The following CDKL4 variants were observed in gnomAD, a reference collection of about 807,000 sequenced individuals.
The protein encoded by CDKL4 is cyclin dependent kinase like 4.
CDKL4 carries 44 observed loss-of-function variants against 42.0 expected under a neutral mutation model. The observed-to-expected ratio is 1.05, with a 90% CI of 0.82 to 1.35. The LOEUF is 1.35. Ranked by LOEUF, CDKL4 falls within the 40% of genes most tolerant of loss-of-function variation. The pLI, the probability that CDKL4 is intolerant of heterozygous loss-of-function variation, is 0.00. For synonymous variants in CDKL4, 120 were observed against 121.6 expected (o/e 0.99, Z 0.09); for missense variants, 393 against 369.9 (o/e 1.06, Z -0.51).
At chr2:39,226,477 A>ATATATATTAT (rs1288955376) in intron 2 of CDKL4, among the ~76,000 whole-genome samples, 2 of 25,220 alleles carry the variant, frequency 7.9e-5, no homozygotes, top group African/African-American at 1.2e-4. Context: ...ATATATATAT[A>ATATATATTAT]ATATATATTA....
At chr2:39,170,077 T>C in the CDKL4 span, among the ~76,000 whole-genome samples, 1 of 152,010 alleles carries the variant, frequency 6.6e-6, no homozygotes, top group African/African-American at 2.4e-5. Flanking sequence ...TTGCCCAGGC[T>C]AGTCTCAAAC....
At chr2:39,192,515 C>T (rs1008349197) in intron 5 of CDKL4, among the ~76,000 whole-genome samples, 1 of 147,938 alleles carries the variant, frequency 6.8e-6, no homozygotes, top group African/African-American at 2.5e-5. Flanking sequence ...GGCTTGAAAC[C>T]ATGCCTGGTT....
intron 8 of CDKL4, among the ~76,000 whole-genome samples, chr2:39,180,449 G>A (rs1222849898): frequency 6.6e-6 from 1 of 152,210 alleles, no homozygotes; most frequent in African/African-American, 2.4e-5. Context: ...GATCCCTGAA[G>A]CTGCCTGCCC....
intron 3 of CDKL4, among the ~76,000 whole-genome samples, chr2:39,219,129 A>T (rs1225322616): frequency 6.6e-6 from 1 of 152,226 alleles, no homozygotes; most frequent in Non-Finnish European, 1.5e-5. Flanking sequence ...GGTACCTAAT[A>T]GGAGCTCAAT....
chr2:39,175,603 C>G, downstream of CDKL4: 1 of 164,812 alleles, frequency 6.1e-6, no homozygotes, highest in Non-Finnish European at 1.3e-5. Context: ...ATTTCTTACA[C>G]AAACAGTGAG....
intron 8 of CDKL4, among the ~76,000 whole-genome samples, chr2:39,179,655 G>A (rs968326637): frequency 6.6e-6 from 1 of 152,194 alleles, no homozygotes; most frequent in Non-Finnish European, 1.5e-5. Flanking sequence ...AAAAACATCA[G>A]CGTCGCAGGA....
At chr2:39,202,411 T>C (rs1273013330) in intron 5 of CDKL4, among the ~76,000 whole-genome samples, 1 of 152,240 alleles carries the variant, frequency 6.6e-6, no homozygotes, top group Non-Finnish European at 1.5e-5. Context: ...TGAGTCATAG[T>C]TCTGAACATT....
intron 2 of CDKL4, among the ~76,000 whole-genome samples, chr2:39,226,711 G>C (rs1558580873): frequency 2.0e-5 from 3 of 151,718 alleles, no homozygotes; most frequent in Admixed American, 2.0e-4. Flanking sequence ...ACTATCGTAG[G>C]CAAACCAGCA....
At chr2:39,183,592 T>C (rs971078883) in intron 8 of CDKL4, among the ~76,000 whole-genome samples, 1 of 152,132 alleles carries the variant, frequency 6.6e-6, no homozygotes, top group Non-Finnish European at 1.5e-5. Context: ...CATCTGAGAA[T>C]TCGTTGGGCT....
In CDKL4 at chr2:39,228,803, A is replaced by C. The variant is rs539044027; in HGVS notation, c.168+562T>G. Among the ~76,000 whole-genome samples, 4 of 152,390 alleles carry C rather than the reference A, an allele frequency of 2.6e-5. No homozygotes were observed. The East Asian group carries it at 7.7e-4, about 29-fold the overall frequency. Reference sequence around the variant, plus strand: ...TCTAAAACTGTAAGATATTTAGCGTAAGAAAAAATTTACATTGAGAACTTA... The same window carrying C: ...TCTAAAACTGTAAGATATTTAGCGTCAGAAAAAATTTACATTGAGAACTTA... On this transcript the variant is annotated intron_variant, in intron 2 of 9. Coordinates refer to ENST00000451199, the Ensembl canonical transcript of CDKL4.
At chr2:39,229,750 C>T (rs1193011796) in intron 1 of CDKL4, among the ~76,000 whole-genome samples, 162 bp from the exon 2 acceptor site, 1 of 152,148 alleles carries the variant, frequency 6.6e-6, no homozygotes, top group Non-Finnish European at 1.5e-5. Flanking sequence ...TAGTTTAGTC[C>T]TCTGCAGCTC....
intron 4 of CDKL4, among the ~76,000 whole-genome samples, chr2:39,205,733 C>A (rs1487761787): frequency 1.6e-5 from 2 of 121,908 alleles, no homozygotes; most frequent in Non-Finnish European, 3.2e-5. Context: ...GCACTCCAGC[C>A]TGGACGACGG....
chr2:39,228,285 C>A (rs1017497540), intron 2 of CDKL4, among the ~76,000 whole-genome samples: 14 of 152,178 alleles, frequency 9.2e-5, no homozygotes, highest in African/African-American at 3.4e-4. Flanking sequence ...GCGCCCTCTG[C>A]TGGCTGAGAG....
chr2:39,204,415 G>T, intron 5 of CDKL4, 112 bp downstream of exon 5: 3 of 704,168 alleles, frequency 4.3e-6, no homozygotes, highest in African/African-American at 3.7e-5. Flanking sequence ...TTTCCTTTTT[G>T]AATAACAACA....
At chr2:39,189,393 G>C (rs1676039165) in intron 6 of CDKL4, among the ~76,000 whole-genome samples, 1 of 152,138 alleles carries the variant, frequency 6.6e-6, no homozygotes, top group Non-Finnish European at 1.5e-5. Flanking sequence ...CTAAGCCTCT[G>C]TTTCCTCGTT....
At chr2:39,213,472 T>G in exon 4 of CDKL4, 1 of 1,605,334 alleles carries the variant, frequency 6.2e-7, no homozygotes, top group Non-Finnish European at 8.5e-7. Flanking sequence ...CATCAGCAAC[T>G]CTGAGGGAAA....
intron 3 of CDKL4, among the ~76,000 whole-genome samples, chr2:39,224,465 T>C (rs1004567837): frequency 6.6e-6 from 1 of 152,062 alleles, no homozygotes; most frequent in Non-Finnish European, 1.5e-5. Flanking sequence ...ACTTTTGTTG[T>C]TGTTAATATT....
intron 3 of CDKL4, among the ~76,000 whole-genome samples, chr2:39,222,915 A>C (rs1678466733): frequency 1.3e-5 from 2 of 152,172 alleles, no homozygotes. Flanking sequence ...TATTTAGTGC[A>C]GGATAAAGTT....
chr2:39,180,485 CG>C (rs1250537276), intron 8 of CDKL4, among the ~76,000 whole-genome samples: 1 of 151,894 alleles, frequency 6.6e-6, no homozygotes, highest in African/African-American at 2.4e-5. Flanking sequence ...TGGCCCTTGG[CG>C]AGGGATCTGA....
Sources: gnomAD v4.1 joint callset for allele counts (sites outside exome capture counted in the v4.1 genomes callset) on GRCh38, gnomAD v4.1.1 for gene constraint, MANE v1.5 for transcripts, NCBI Gene and HGNC (gene_info 2026-07-23, HGNC 2026-07-21) for gene names.